The following KICS2 variants were observed in gnomAD, a reference collection of about 807,000 sequenced individuals.
KICS2 encodes the protein KICSTOR complex protein C12orf66.
KICS2 carries 13 observed loss-of-function variants against 31.4 expected under a neutral mutation model. The observed-to-expected ratio is 0.41, with a 90% confidence interval of 0.27 to 0.66. The LOEUF (loss-of-function observed/expected upper bound fraction) is 0.66. Ranked by LOEUF, KICS2 falls within the 30% of genes least tolerant of loss-of-function variation. KICS2 has a pLI of 0.28. For missense variants in KICS2, 455 were observed against 545.4 expected (o/e 0.83, Z 1.65); for synonymous variants, 209 against 214.8 (o/e 0.97, Z 0.24).
intron 2 of KICS2, among the ~76,000 whole-genome samples, chr12:64,198,765 G>A (rs2037462413): frequency 7.9e-6 from 1 of 125,828 alleles, no homozygotes; most frequent in Non-Finnish European, 1.7e-5. Flanking sequence ...AATGATAAAG[G>A]GGATATCACC....
intron 2 of KICS2, among the ~76,000 whole-genome samples, chr12:64,211,618 T>C (rs2048326256): frequency 6.6e-6 from 1 of 151,476 alleles, no homozygotes. Context: ...GACTCCGTCT[T>C]AAAGAAAAAA....
intron 2 of KICS2, among the ~76,000 whole-genome samples, chr12:64,201,379 C>T (rs2037486386): frequency 1.1e-5 from 1 of 95,138 alleles, no homozygotes; most frequent in Non-Finnish European, 2.0e-5. Context: ...ACCGCATATT[C>T]TCACTCATAG....
intron 2 of KICS2, among the ~76,000 whole-genome samples, chr12:64,204,209 C>G (rs1317843798): frequency 6.6e-6 from 1 of 152,046 alleles, no homozygotes; most frequent in Non-Finnish European, 1.5e-5. Flanking sequence ...CCTGTTGGGG[C>G]CTGTTGGAGG....
intron 1 of KICS2, among the ~76,000 whole-genome samples, chr12:64,220,443 T>C (rs970161912): frequency 2.0e-5 from 3 of 152,110 alleles, no homozygotes; most frequent in Admixed American, 2.0e-4. Context: ...AAAATTCAAC[T>C]GAACCCACTC....
At position 64,201,710 on chromosome 12, in the gene KICS2, A is replaced by G. The variant is rs186840007; in HGVS notation, c.522-7052T>C. Among the ~76,000 whole-genome samples, 1,199 of 151,424 alleles carry G rather than the reference A, an allele frequency of 7.9e-3. 18 individuals are homozygous for G. The highest frequency in any genetic ancestry group is 0.026 in the African/African-American group (1,087 of 41,270). On this transcript the variant is annotated intron_variant, in intron 2 of 2. Coordinates refer to ENST00000398055, the MANE Select transcript of KICS2 (RefSeq NM_152440.5). ...ATACAAAAATTAGCCGGGCATGGTG[A>G]CATGTGCCTGTAATCCCAGCTACTC...
rs1373997388 is a variant in KICS2 at position 64,191,420 on chromosome 12, C to T, written c.*2422G>A. The T allele has an allele frequency of 6.6e-6, 1 of 151,980 alleles. No individual in the cohort carries two copies. The highest frequency in any genetic ancestry group is 1.5e-5 in the Non-Finnish European group (1 of 68,000). 9.4% of individuals were successfully genotyped at this position (151,980 alleles called of 1,614,324 possible). On this transcript the variant is annotated 3_prime_UTR_variant, in exon 3 of 3. Transcript: ENST00000398055. ...AATTCAAATATGTTCTAGGTGAGGA[C>T]TGGTTATTTAAATAACATATATATG... is the stretch of plus-strand genomic sequence containing the variant.
chr12:64,189,994 G>C (rs968456737), downstream of KICS2, among the ~76,000 whole-genome samples: 2 of 152,012 alleles, frequency 1.3e-5, no homozygotes, highest in Non-Finnish European at 2.9e-5. Flanking sequence ...CATAATATAG[G>C]AGAACTAAAA....
chr12:64,194,464 T>C lies in KICS2; in HGVS notation c.716A>G (p.His239Arg). 6.2e-7 allele frequency: 1 copy of C among 1,614,174 alleles called. No individual in the cohort carries two copies. ...IFEKQRETKK[H>R]LFGGQSQKAV... ...CTTCTGAGACTGCCCTCCAAACAGA[T>C]GTTTCTTGGTCTCCCGCTGTTTCTC... The change falls in exon 3 of 3, where the codon CAT (histidine) becomes CGT (arginine). Residue 239 changes from histidine to arginine, a missense_variant. Physicochemically the swap from His to Arg is conservative, Grantham distance 29. Coordinates refer to ENST00000398055, the MANE Select transcript of KICS2 (RefSeq NM_152440.5).
In KICS2 at chr12:64,193,266, C is replaced by T; in HGVS notation, c.*576G>A. On this transcript the variant is annotated 3_prime_UTR_variant, in exon 3 of 3. Transcript: ENST00000398055. ...TAAAACCTTACGTCATGCTACCAAT[C>T]TGACTCACTTTCAGTTTCAATAACT... 1 of 986,012 alleles carries T rather than the reference C, an allele frequency of 1.0e-6. No individual in the cohort carries two copies. The highest frequency in any genetic ancestry group is 1.2e-6 in the Non-Finnish European group (1 of 830,426). 61.1% of individuals were successfully genotyped at this position (986,012 alleles called of 1,614,324 possible). A position where few individuals can be genotyped will look rare whatever the true frequency, so the allele number is the denominator to read the frequency against.
At chr12:64,207,023 T>G (rs1179526722) in intron 2 of KICS2, among the ~76,000 whole-genome samples, 1 of 151,956 alleles carries the variant, frequency 6.6e-6, no homozygotes, top group African/African-American at 2.4e-5. Context: ...AATGGTAAAT[T>G]TGCTGGGGGC....
intron 2 of KICS2, among the ~76,000 whole-genome samples, chr12:64,206,276 A>G (rs2037538514): frequency 6.6e-6 from 1 of 152,146 alleles, no homozygotes; most frequent in East Asian, 1.9e-4. Flanking sequence ...GTACATAGGC[A>G]TATGTGTACC....
In KICS2 at chr12:64,216,036, G is replaced by A. The variant is rs975652714; in HGVS notation, c.236-73C>T. ...GTAAGTACCAAACACCTACCAACAT[G>A]CAAAAGCAAAGAATCCAAACCCATT... On this transcript the variant is annotated intron_variant, in intron 1 of 2. Transcript: ENST00000398055. 12 of 1,379,288 alleles carry A rather than the reference G, an allele frequency of 8.7e-6. No homozygotes were observed. The South Asian group carries it at 1.7e-4, about 20-fold the overall frequency. The allele number at this position is 1,379,288 out of a possible 1,614,324, so 85.4% of individuals were successfully genotyped here. A position where few individuals can be genotyped will look rare whatever the true frequency, so the allele number is the denominator to read the frequency against.
chr12:64,221,894 G>A, intron 1 of KICS2, 109 bp downstream of exon 1: 1 of 1,218,660 alleles, frequency 8.2e-7, no homozygotes, highest in Admixed American at 2.6e-5. Flanking sequence ...GCCGAGTCGA[G>A]CCTGCGACTA....
chr12:64,211,341 G>A (rs192255123), intron 2 of KICS2, among the ~76,000 whole-genome samples: 201 of 152,248 alleles, frequency 1.3e-3, no homozygotes, highest in African/African-American at 3.0e-3. Flanking sequence ...ACTTTAGGCC[G>A]GGCGCAGTGG....
intron 2 of KICS2, among the ~76,000 whole-genome samples, chr12:64,204,584 C>T (rs765006505): frequency 5.3e-5 from 8 of 152,020 alleles, no homozygotes; most frequent in Admixed American, 1.3e-4. Context: ...CCCAGGAGTT[C>T]GAAACCGGCC....
At position 64,193,161 on chromosome 12, in the gene KICS2, A is replaced by G. The variant is rs1450997272; in HGVS notation, c.*681T>C. ...AAACATTCAAACATTAAAGAAGTCA[A>G]AACAAATGCAGTTAGGTGTGTACAT... On this transcript the variant is annotated 3_prime_UTR_variant, in exon 3 of 3. Transcript: ENST00000398055. 2 of 985,332 alleles carry G rather than the reference A, an allele frequency of 2.0e-6. No homozygotes were observed. The highest frequency in any genetic ancestry group is 1.0e-3 in the Middle Eastern group (2 of 1,936). The allele number at this position is 985,332 out of a possible 1,614,324, so 61.0% of individuals were successfully genotyped here.
chr12:64,196,341 C>T (rs1348724282), intron 2 of KICS2, among the ~76,000 whole-genome samples: 6 of 151,834 alleles, frequency 4.0e-5, no homozygotes, highest in Non-Finnish European at 7.4e-5. Flanking sequence ...CAGGGGCAGA[C>T]TGACACCTCA....
At chr12:64,215,214 A>G (rs1592388617) in intron 2 of KICS2, among the ~76,000 whole-genome samples, 2 of 152,048 alleles carry the variant, frequency 1.3e-5, no homozygotes, top group Middle Eastern at 6.9e-3. Flanking sequence ...CAGGAGGCTG[A>G]GGCAGGAGAA....
chr12:64,187,726 T>C (rs1439587327), downstream of KICS2: 17 of 1,241,790 alleles, frequency 1.4e-5, no homozygotes, highest in African/African-American at 1.2e-4. Context: ...TCACATAGCA[T>C]GTTTTTTGTT....
Sources: gnomAD v4.1 joint callset for allele counts (sites outside exome capture counted in the v4.1 genomes callset) on GRCh38, gnomAD v4.1.1 for gene constraint, MANE v1.5 for transcripts, NCBI Gene and HGNC (gene_info 2026-07-23, HGNC 2026-07-21) for gene names.